The following NFATC2 variants were observed in gnomAD, a reference collection of about 807,000 sequenced individuals.
NFATC2 encodes nuclear factor of activated T cells 2.
Under a neutral mutation model 87.3 loss-of-function variants are expected in NFATC2, and 22 were observed. The observed-to-expected ratio is 0.25, with a 90% CI of 0.18 to 0.36. NFATC2 has a LOEUF of 0.36. Ranked by LOEUF, NFATC2 falls within the 10% of genes least tolerant of loss-of-function variation. The pLI is 1.00. For synonymous variants in NFATC2, 565 were observed against 542.2 expected (o/e 1.04, Z -0.58); for missense variants, 1,149 against 1,259.1 (o/e 0.91, Z 1.32).
intron 5 of NFATC2, among the ~76,000 whole-genome samples, chr20:51,469,710 T>C (rs1294211943): frequency 6.6e-6 from 1 of 152,092 alleles, no homozygotes; most frequent in South Asian, 2.1e-4. Context: ...GAGAAGGCCA[T>C]GTGCAGACAG....
At chr20:51,508,884 C>A (rs1600904145) in intron 3 of NFATC2, among the ~76,000 whole-genome samples, 2 of 152,268 alleles carry the variant, frequency 1.3e-5, no homozygotes, top group African/African-American at 4.8e-5. Flanking sequence ...TGGCCTGGGC[C>A]TCTGCAGCAG....
At chr20:51,517,745 T>C (rs1281350675) in intron 2 of NFATC2, among the ~76,000 whole-genome samples, 5 of 151,920 alleles carry the variant, frequency 3.3e-5, no homozygotes, top group African/African-American at 1.2e-4. Context: ...GGCGAAACCC[T>C]GTCTCTACTA....
At chr20:51,459,637 G>C (rs1306512646) in intron 5 of NFATC2, among the ~76,000 whole-genome samples, 3 of 152,126 alleles carry the variant, frequency 2.0e-5, no homozygotes, top group African/African-American at 4.8e-5. Context: ...CAGCACTTTG[G>C]GAGGCCGAGG....
At chr20:51,462,545 A>G (rs1421913167) in intron 5 of NFATC2, among the ~76,000 whole-genome samples, 1 of 152,226 alleles carries the variant, frequency 6.6e-6, no homozygotes, top group Non-Finnish European at 1.5e-5. Context: ...TAAAACGCCC[A>G]CACCAAGAAG....
In NFATC2 at chr20:51,388,285, C is replaced by T. The variant is rs1328307355; in HGVS notation, c.*3211G>A. On this transcript the variant is annotated 3_prime_UTR_variant, in exon 11 of 11. Coordinates refer to ENST00000371564, the MANE Select transcript of NFATC2 (RefSeq NM_012340.5). ...AGTTATTTTGGGGGGAGGATCTAGA[C>T]ACTTGATGATTCTCAGTGACCAGAT... 1 of 152,110 alleles carries T rather than the reference C, an allele frequency of 6.6e-6. No homozygotes were observed. Among genetic ancestry groups the T allele is most frequent in the Non-Finnish European group, 1.5e-5 (1 of 68,014 alleles). 9.4% of individuals were successfully genotyped at this position (152,110 alleles called of 1,614,324 possible). A position where few individuals can be genotyped will look rare whatever the true frequency, so the allele number is the denominator to read the frequency against.
chr20:51,541,956 C>T (rs1208842697), intron 1 of NFATC2, among the ~76,000 whole-genome samples: 1 of 152,054 alleles, frequency 6.6e-6, no homozygotes, highest in Non-Finnish European at 1.5e-5. Flanking sequence ...CTTTTTTTGG[C>T]AACTCCTCCC....
intron 1 of NFATC2, among the ~76,000 whole-genome samples, chr20:51,541,473 CTCCTGT>C (rs2076815991): frequency 6.6e-6 from 1 of 152,172 alleles, no homozygotes; most frequent in South Asian, 2.1e-4. Context: ...CTAACGAATG[CTCCTGT>C]TAAACACGTG....
chr20:51,545,689 A>G (rs2076883488), upstream of NFATC2, among the ~76,000 whole-genome samples: 1 of 152,000 alleles, frequency 6.6e-6, no homozygotes, highest in South Asian at 2.1e-4. Flanking sequence ...AGATGGGTGG[A>G]TGGATGAATA....
chr20:51,472,887 C>G (rs910409693), intron 5 of NFATC2, among the ~76,000 whole-genome samples: 5 of 152,036 alleles, frequency 3.3e-5, no homozygotes, highest in African/African-American at 1.2e-4. Flanking sequence ...CACCAAAGTG[C>G]TGGGATTACA....
intron 9 of NFATC2, among the ~76,000 whole-genome samples, chr20:51,408,064 G>A (rs1978599318): frequency 1.3e-5 from 2 of 152,216 alleles, no homozygotes; most frequent in Non-Finnish European, 2.9e-5. Context: ...TCCAGGGGAG[G>A]GAGAGGTGGA....
chr20:51,533,252 T>G (rs751183776), intron 1 of NFATC2, among the ~76,000 whole-genome samples: 6 of 152,198 alleles, frequency 3.9e-5, no homozygotes, highest in Non-Finnish European at 8.8e-5. Flanking sequence ...ATCCGGCAGG[T>G]GTGCACAACC....
intron 9 of NFATC2, among the ~76,000 whole-genome samples, chr20:51,420,629 C>T (rs1192311672): frequency 6.6e-6 from 1 of 152,110 alleles, no homozygotes; most frequent in African/African-American, 2.4e-5. Context: ...GGAAGAACCT[C>T]CCCATCAAAC....
chr20:51,514,135 A>G (rs959189715), intron 3 of NFATC2, among the ~76,000 whole-genome samples: 1 of 152,246 alleles, frequency 6.6e-6, no homozygotes, highest in Non-Finnish European at 1.5e-5. Context: ...AATGTTTATT[A>G]TTACTATCAT....
chr20:51,520,906 G>C (rs928411443), intron 2 of NFATC2, among the ~76,000 whole-genome samples: 1 of 152,096 alleles, frequency 6.6e-6, no homozygotes, highest in East Asian at 1.9e-4. Context: ...TGATCCGCCC[G>C]CCTCTGCCTT....
At position 51,524,661 on chromosome 20, in the gene NFATC2, C is replaced by T. The variant is rs144372421; in HGVS notation, c.131-551G>A. 1.7e-4 allele frequency among the ~76,000 whole-genome samples: 26 copies of T among 152,140 alleles called. No homozygotes were observed. Among genetic ancestry groups the T allele is most frequent in the African/African-American group, 5.8e-4 (24 of 41,512 alleles). On this transcript the variant is annotated intron_variant, in intron 1 of 10. Coordinates refer to ENST00000371564, the MANE Select transcript of NFATC2 (RefSeq NM_012340.5). The surrounding 1 kb of genome is among the most constrained non-coding windows in gnomAD (Gnocchi z 4.0). Reference sequence around the variant, plus strand: ...GGACGCAGGACACAGAGGGAGGCTGCGCAGACTCTGCAGCCCACAGTGCCC... The same window carrying T: ...GGACGCAGGACACAGAGGGAGGCTGTGCAGACTCTGCAGCCCACAGTGCCC...
intron 1 of NFATC2, among the ~76,000 whole-genome samples, chr20:51,560,117 A>G (rs1229117413): frequency 6.6e-6 from 1 of 152,176 alleles, no homozygotes; most frequent in African/African-American, 2.4e-5. Flanking sequence ...ATATAACAGG[A>G]TTTGTAGCTA....
chr20:51,517,181 C>G (rs1280619839), intron 2 of NFATC2, among the ~76,000 whole-genome samples: 3 of 152,130 alleles, frequency 2.0e-5, no homozygotes, highest in Non-Finnish European at 4.4e-5. Flanking sequence ...ATAGTGGCTC[C>G]TAGGCTACAA....
At chr20:51,435,105 G>A (rs112935631) in intron 8 of NFATC2, 83 bp downstream of exon 8, 37,718 of 1,544,332 alleles carry the variant, frequency 0.024, 550 homozygotes, top group Non-Finnish European at 0.027. Context: ...AAGTTACCCG[G>A]CTAGGAGCAG....
chr20:51,421,114 C>T (rs1281552288), intron 9 of NFATC2, among the ~76,000 whole-genome samples: 1 of 151,632 alleles, frequency 6.6e-6, no homozygotes, highest in Admixed American at 6.6e-5. Context: ...ACAACAAACC[C>T]CCAAAACAAA....
Sources: allele counts gnomAD v4.1 joint callset (sites outside exome capture counted in the v4.1 genomes callset), GRCh38; gene constraint gnomAD v4.1.1; non-coding constraint Gnocchi (gnomAD v3.1); transcripts MANE v1.5; gene names NCBI Gene and HGNC (gene_info 2026-07-23, HGNC 2026-07-21).